Variants in PPM1F observed in about 807,000 individuals in gnomAD.
PPM1F encodes the protein protein phosphatase 1F.
Under a neutral mutation model 35.5 loss-of-function variants are expected in PPM1F, and 17 were observed. The observed-to-expected ratio is 0.48, with a 90% CI of 0.33 to 0.72. The LOEUF (loss-of-function observed/expected upper bound fraction) is 0.72. Among genes scored for constraint, PPM1F ranks in the 30% least tolerant of loss-of-function variants. The pLI is 0.02. For missense variants in PPM1F, 521 were observed against 613.0 expected, an observed-to-expected ratio of 0.85 and a Z score of 1.59; for synonymous variants, 241 against 255.5, an observed-to-expected ratio of 0.94 and a Z score of 0.54.
intron 6 of PPM1F, among the ~76,000 whole-genome samples, chr22:21,928,404 A>G (rs894095): frequency 0.39 from 59,542 of 151,930 alleles, 12,015 homozygotes; most frequent in Middle Eastern, 0.49. Flanking sequence ...TGCCCTCCTG[A>G]ACTCACTTTT....
intron 4 of PPM1F, 85 bp from the exon 5 acceptor site, chr22:21,933,664 A>T: frequency 7.9e-7 from 1 of 1,263,950 alleles, no homozygotes; most frequent in Non-Finnish European, 1.1e-6. Context: ...GATGGGGTAG[A>T]GTCTGGGAGA....
At chr22:21,932,947 C>G (rs1324683437) in intron 5 of PPM1F, among the ~76,000 whole-genome samples, 1 of 152,190 alleles carries the variant, frequency 6.6e-6, no homozygotes, top group African/African-American at 2.4e-5. Flanking sequence ...ACGGCTCTGG[C>G]CCAGCTTCCC....
chr22:21,936,700 G>C (rs564394326), intron 3 of PPM1F: 2 of 152,332 alleles, frequency 1.3e-5, no homozygotes, highest in African/African-American at 4.8e-5. Flanking sequence ...AGTCCACATG[G>C]GACGGGACCA....
chr22:21,939,687 A>G lies in PPM1F; in HGVS notation c.207-7T>C. 1 of 1,551,504 alleles carries G rather than the reference A, an allele frequency of 6.4e-7. No homozygotes were observed. The highest frequency in any genetic ancestry group is 8.7e-7 in the Non-Finnish European group (1 of 1,146,920). On this transcript the variant is annotated splice_polypyrimidine_tract_variant and splice_region_variant and intron_variant, in intron 2 of 7. Coordinates refer to ENST00000263212, the MANE Select transcript of PPM1F (RefSeq NM_014634.4). This position sits in a 1 kb window ranked among gnomAD's most constrained non-coding sequence, Gnocchi z 5.1. ...AAGTGGTGGCGGGGCCTTCCTAGGG[A>G]TGAGGAGGGGGAAGTGAGGGGCAGC...
At chr22:21,952,523 C>G (rs1199165884) in intron 1 of PPM1F, 2 of 129,328 alleles carry the variant, frequency 1.5e-5, no homozygotes, top group Non-Finnish European at 3.2e-5. Flanking sequence ...CCCAGTTCTG[C>G]CCCCTTGGCT....
chr22:21,939,373 C>A lies in PPM1F; in HGVS notation c.355+159G>T. 1 of 961,620 alleles carries A rather than the reference C, an allele frequency of 1.0e-6. No homozygotes were observed. The highest frequency in any genetic ancestry group is 1.5e-6 in the Non-Finnish European group (1 of 651,848). 59.6% of individuals were successfully genotyped at this position (961,620 alleles called of 1,614,324 possible). A position where few individuals can be genotyped will look rare whatever the true frequency, so the allele number is the denominator to read the frequency against. ...GCTGTGACCGCCACCCTCCACCTCA[C>A]TGGGGCCGCAAGCCTTCTCTGCTCC... On this transcript the variant is annotated intron_variant, in intron 3 of 7. Coordinates refer to ENST00000263212, the MANE Select transcript of PPM1F (RefSeq NM_014634.4). This position sits in a 1 kb window ranked among gnomAD's most constrained non-coding sequence, Gnocchi z 5.1.
intron 2 of PPM1F, chr22:21,943,558 G>C (rs1306535716): frequency 2.0e-5 from 3 of 152,208 alleles, no homozygotes; most frequent in Non-Finnish European, 4.4e-5. Context: ...AACAAGTCTG[G>C]CTGCTCTCGC....
intron 2 of PPM1F, chr22:21,942,179 C>A (rs914105415): frequency 6.6e-6 from 1 of 152,286 alleles, no homozygotes; most frequent in Non-Finnish European, 1.5e-5. Context: ...GACCTTCCAA[C>A]AGCACAGGCT....
Position 21,923,271 on chromosome 22 carries a change from C to G in PPM1F, c.1186G>C (p.Ala396Pro). 1.2e-6 allele frequency: 2 copies of G among 1,613,514 alleles called. No individual in the cohort carries two copies. Among genetic ancestry groups the G allele is most frequent in the African/African-American group, 2.7e-5 (2 of 75,056 alleles). The change falls in exon 8 of 8, where the codon GCG becomes CCG. Residue 396 changes from alanine (A) to proline (P), a missense_variant. Physicochemically the swap from Ala to Pro is conservative, Grantham distance 27. This residue lies in a region of PPM1F where 163 missense variants were observed against 169.6 expected (regional missense o/e 0.96). Coordinates refer to ENST00000263212, the MANE Select transcript of PPM1F (RefSeq NM_014634.4). ...TCGTGGGAGCCCCGCTCCCGGGCCG[C>G]AGCCACCAGCTCCTCGGCGACACGG... The part of the protein sequence containing the change: ...GLRVAEELVA[A>P]ARERGSHDNI...
chr22:21,925,149 C>A, intron 7 of PPM1F: 1 of 265,118 alleles, frequency 3.8e-6, no homozygotes. Flanking sequence ...CCCACCTCGG[C>A]CTCCCAAAGT....
Position 21,931,301 on chromosome 22 carries a change from G to T in PPM1F, c.748-10C>A, listed in dbSNP as rs771535805. Reference sequence around the variant, plus strand: ...TGCCGCTCTGCAGCCGCTGCAGGGAGAGAGGGCCCATGAGAGTTGAGAGGA... The same window carrying T: ...TGCCGCTCTGCAGCCGCTGCAGGGATAGAGGGCCCATGAGAGTTGAGAGGA... On this transcript the variant is annotated splice_polypyrimidine_tract_variant and intron_variant, in intron 5 of 7. Transcript: ENST00000263212. 6.2e-7 allele frequency: 1 copy of T among 1,610,516 alleles called. No individual in the cohort carries two copies. The highest frequency in any genetic ancestry group is 8.5e-7 in the Non-Finnish European group (1 of 1,179,644).
At chr22:21,940,450 G>C (rs1482130002) in intron 2 of PPM1F, 1 of 151,930 alleles carries the variant, frequency 6.6e-6, no homozygotes, top group Non-Finnish European at 1.5e-5. Context: ...TCCAGCCTAG[G>C]CGACAGAGCA....
At chr22:21,933,922 C>T in intron 4 of PPM1F, 102 bp downstream of exon 4, 1 of 1,158,086 alleles carries the variant, frequency 8.6e-7, no homozygotes, top group Non-Finnish European at 1.2e-6. Context: ...GGTGTCTCTC[C>T]TGTCTCAGCC....
intron 7 of PPM1F, chr22:21,925,182 A>G: frequency 3.0e-6 from 1 of 335,602 alleles, no homozygotes. Flanking sequence ...GGCGTGAGCC[A>G]CCGCGCCCAG....
intron 6 of PPM1F, chr22:21,926,006 T>C (rs2145791706): frequency 3.8e-6 from 1 of 264,394 alleles, no homozygotes; most frequent in Non-Finnish European, 7.1e-6. Flanking sequence ...TGCTTCCCTG[T>C]CTCTAGCTCG....
intron 6 of PPM1F, among the ~76,000 whole-genome samples, chr22:21,928,519 C>A (rs745776363): frequency 6.6e-6 from 1 of 152,232 alleles, no homozygotes; most frequent in Non-Finnish European, 1.5e-5. Context: ...GCTTTTCCAG[C>A]TGAAGGAGCA....
chr22:21,932,823 A>G (rs1416503922), intron 5 of PPM1F: 1 of 152,268 alleles, frequency 6.6e-6, no homozygotes, highest in African/African-American at 2.4e-5. Context: ...GGTTTTACAT[A>G]TTCCGCCTTT....
At chr22:21,940,368 G>A (rs928251555) in intron 2 of PPM1F, among the ~76,000 whole-genome samples, 11 of 152,110 alleles carry the variant, frequency 7.2e-5, no homozygotes, top group Non-Finnish European at 1.3e-4. Context: ...AGCTACTCAG[G>A]AGGCTGAGGC....
chr22:21,927,099 T>C (rs986733581), intron 6 of PPM1F, among the ~76,000 whole-genome samples: 2 of 152,094 alleles, frequency 1.3e-5, no homozygotes, highest in African/African-American at 2.4e-5. Context: ...AATCAAGCCA[T>C]GAAGGGGGCA....
Sources: allele counts gnomAD v4.1 joint callset (sites outside exome capture counted in the v4.1 genomes callset), GRCh38; gene constraint gnomAD v4.1.1; regional missense constraint gnomAD v4.1.1; non-coding constraint Gnocchi (gnomAD v3.1); transcripts MANE v1.5; gene names NCBI Gene and HGNC (gene_info 2026-07-23, HGNC 2026-07-21).